STARD13: variants seen among roughly 807,000 people sequenced by gnomAD.
STARD13 encodes StAR related lipid transfer domain containing 13.
In STARD13, 62 loss-of-function variants were observed where a neutral mutation model predicts 106.4. The observed-to-expected ratio is 0.58, with a 90% confidence interval of 0.48 to 0.72. STARD13 has a LOEUF of 0.72. Ranked by LOEUF, STARD13 falls within the 30% of genes least tolerant of loss-of-function variation. The pLI is 0.00. For synonymous variants in STARD13, 565 were observed against 553.0 expected (o/e 1.02, Z -0.31); for missense variants, 1,387 against 1,424.0 (o/e 0.97, Z 0.42).
chr13:33,233,773 G>C (rs1180987938), intron 1 of STARD13, among the ~76,000 whole-genome samples: 1 of 152,332 alleles, frequency 6.6e-6, no homozygotes, highest in African/African-American at 2.4e-5. Flanking sequence ...GGGGCTTAGG[G>C]TTGCAGTCAT....
At chr13:33,346,194 G>T (rs2078015026), downstream of STARD13, among the ~76,000 whole-genome samples, 1 of 152,216 alleles carries the variant, frequency 6.6e-6, no homozygotes, top group South Asian at 2.1e-4. Flanking sequence ...ACAACTAGGT[G>T]AGCGAGCTTG....
At chr13:33,498,754 G>A in the STARD13 span, among the ~76,000 whole-genome samples, 15 of 152,176 alleles carry the variant, frequency 9.9e-5, no homozygotes, top group Admixed American at 2.0e-4. Flanking sequence ...TAGTAAAGAA[G>A]GCATACATTG....
chr13:33,143,896 G>T lies in STARD13; in HGVS notation c.324-1523C>A, dbSNP rs139954797. On this transcript the variant is annotated intron_variant, in intron 3 of 13. Coordinates refer to ENST00000336934, the MANE Select transcript of STARD13 (RefSeq NM_178006.4). ...GAATTTCTAACCATTGAATTCAATG[G>T]CTTCTTTTTAGCAAAGACCTATTAA... 4.1e-3 allele frequency among the ~76,000 whole-genome samples: 619 copies of T among 152,230 alleles called. 2 individuals carry two copies. Among genetic ancestry groups the T allele is most frequent in the African/African-American group, 0.014 (587 of 41,534 alleles).
At chr13:33,645,326 A>G in the STARD13 span, among the ~76,000 whole-genome samples, 12 of 152,200 alleles carry the variant, frequency 7.9e-5, no homozygotes, top group African/African-American at 2.9e-4. Flanking sequence ...GCCAGCATCA[A>G]CTGTCATCAG....
At chr13:33,271,623 T>A (rs1342255624) in intron 1 of STARD13, 1 of 152,274 alleles carries the variant, frequency 6.6e-6, no homozygotes, top group East Asian at 1.9e-4. Context: ...TTGGGAATCC[T>A]GATGCCTTGG....
the STARD13 span, among the ~76,000 whole-genome samples, chr13:33,494,586 C>G: frequency 1.3e-5 from 2 of 152,152 alleles, no homozygotes; most frequent in Non-Finnish European, 2.9e-5. Context: ...TGACACACTG[C>G]ATTTGGTCGT....
chr13:33,316,129 A>T (rs1426974650), intron 1 of STARD13, among the ~76,000 whole-genome samples: 2 of 152,216 alleles, frequency 1.3e-5, no homozygotes, highest in Non-Finnish European at 2.9e-5. Flanking sequence ...AGCATGGTTT[A>T]TAAGGGTCTT....
chr13:33,421,259 G>T, the STARD13 span, among the ~76,000 whole-genome samples: 1 of 152,010 alleles, frequency 6.6e-6, no homozygotes, highest in African/African-American at 2.4e-5. Context: ...AATGATAAAG[G>T]GAATATCACC....
intron 1 of STARD13, among the ~76,000 whole-genome samples, chr13:33,296,548 T>G (rs564937383): frequency 6.6e-6 from 1 of 152,102 alleles, no homozygotes; most frequent in East Asian, 1.9e-4. Context: ...GAACTTAGCA[T>G]CTCCCCCATT....
intron 1 of STARD13, among the ~76,000 whole-genome samples, chr13:33,303,997 A>G (rs1286654935): frequency 6.6e-6 from 1 of 152,224 alleles, no homozygotes; most frequent in African/African-American, 2.4e-5. Context: ...GACCTACTCA[A>G]TCAGAGCCTA....
chr13:33,423,958 G>A, the STARD13 span, among the ~76,000 whole-genome samples: 1 of 152,082 alleles, frequency 6.6e-6, no homozygotes, highest in Non-Finnish European at 1.5e-5. Context: ...GTGGCAAGCT[G>A]GGGGAGGGAT....
At chr13:33,208,050 A>G (rs1308558734) in intron 1 of STARD13, among the ~76,000 whole-genome samples, 1 of 152,116 alleles carries the variant, frequency 6.6e-6, no homozygotes, top group Non-Finnish European at 1.5e-5. Flanking sequence ...GGGTAAGAGA[A>G]TTTGTCAACT....
At position 33,129,162 on chromosome 13, in the gene STARD13, T is replaced by A. The variant is rs1877735397; in HGVS notation, c.1515A>T (p.Lys505Asn). The A allele has an allele frequency of 3.1e-6, 5 of 1,614,204 alleles. No individual in the cohort carries two copies. The South Asian group carries it at 5.5e-5, about 18-fold the overall frequency. Residue 505 changes from lysine to asparagine, a missense_variant, in exon 5 of 14, where the codon AAA (lysine) becomes AAT (asparagine). Physicochemically the swap from Lys to Asn is moderately conservative, Grantham distance 94 (BLOSUM62 0). Transcript: ENST00000336934. The part of the protein sequence containing the change: ...GLQEVVDDWS[K>N]DVLPELQTHD... ...GAGTTTGCAGTTCAGGCAAGACATC[T>A]TTGGACCAGTCATCGACTACCTCTT... is the stretch of plus-strand genomic sequence containing the variant.
the STARD13 span, among the ~76,000 whole-genome samples, chr13:33,632,492 A>T: frequency 6.6e-6 from 1 of 152,186 alleles, no homozygotes; most frequent in East Asian, 1.9e-4. Context: ...TTGTACCTAC[A>T]TGTCTTTATA....
chr13:33,657,563 C>G, the STARD13 span: 1 of 152,198 alleles, frequency 6.6e-6, no homozygotes, highest in Non-Finnish European at 1.5e-5. Context: ...CTAAGCTTTT[C>G]CTGAACTTAG....
intron 1 of STARD13, among the ~76,000 whole-genome samples, chr13:33,339,148 A>G (rs2077931362): frequency 6.6e-6 from 1 of 152,174 alleles, no homozygotes; most frequent in Non-Finnish European, 1.5e-5. Flanking sequence ...GGTAAGTACT[A>G]TGCTTATCCT....
chr13:33,182,092 A>G (rs1885294828), intron 1 of STARD13, among the ~76,000 whole-genome samples: 1 of 152,240 alleles, frequency 6.6e-6, no homozygotes, highest in Admixed American at 6.5e-5. Flanking sequence ...AGTTGTGAAC[A>G]TGCACACACC....
chr13:33,595,819 T>C, the STARD13 span, among the ~76,000 whole-genome samples: 1 of 152,198 alleles, frequency 6.6e-6, no homozygotes, highest in Non-Finnish European at 1.5e-5. Context: ...CGTATTAAAA[T>C]ACTCTCTTAA....
the STARD13 span, among the ~76,000 whole-genome samples, chr13:33,427,212 G>A: frequency 6.6e-6 from 1 of 152,114 alleles, no homozygotes; most frequent in Admixed American, 6.5e-5. Context: ...ACACAGATGG[G>A]TGCCTTGTCT....
Sources: allele counts gnomAD v4.1 joint callset (sites outside exome capture counted in the v4.1 genomes callset), GRCh38; gene constraint gnomAD v4.1.1; transcripts MANE v1.5; gene names NCBI Gene and HGNC (gene_info 2026-07-23, HGNC 2026-07-21).